GPC6: variants seen among roughly 807,000 people sequenced by gnomAD.
GPC6 encodes the protein glypican 6.
In GPC6, 14 loss-of-function variants were observed where a neutral mutation model predicts 55.2. The observed-to-expected ratio is 0.25, with a 90% CI of 0.17 to 0.40. The LOEUF is 0.40. GPC6 is among the 10% of genes least tolerant of loss of function. The probability of loss-of-function intolerance (pLI) is 1.00; values close to 1 mark genes in which losing one functional copy is unlikely to be tolerated. For synonymous variants in GPC6, 278 were observed against 259.6 expected (o/e 1.07, Z -0.68); for missense variants, 641 against 708.5 (o/e 0.90, Z 1.08).
chr13:93,473,233 G>T (rs1371013353), intron 1 of GPC6, among the ~76,000 whole-genome samples: 7 of 152,196 alleles, frequency 4.6e-5, no homozygotes, highest in East Asian at 1.9e-4. Context: ...GGCCCAGGCT[G>T]CTCTCACCAA....
intron 2 of GPC6, among the ~76,000 whole-genome samples, chr13:93,810,474 G>A (rs1273937769): frequency 2.0e-5 from 3 of 152,132 alleles, no homozygotes; most frequent in Non-Finnish European, 4.4e-5. Flanking sequence ...ACTATTGTTT[G>A]TTTTTTAGGA....
intron 2 of GPC6, among the ~76,000 whole-genome samples, chr13:93,697,222 C>T (rs1283460539): frequency 6.6e-6 from 1 of 152,118 alleles, no homozygotes; most frequent in Non-Finnish European, 1.5e-5. Context: ...TGGACTCAGG[C>T]TTCTTGCTGG....
intron 4 of GPC6, among the ~76,000 whole-genome samples, chr13:94,195,716 G>A (rs1889550955): frequency 6.6e-6 from 1 of 152,210 alleles, no homozygotes; most frequent in South Asian, 2.1e-4. Flanking sequence ...GTGTGCAAAT[G>A]TGGCTCCTGC....
chr13:93,633,618 A>G (rs911243870), intron 2 of GPC6, among the ~76,000 whole-genome samples: 8 of 151,092 alleles, frequency 5.3e-5, no homozygotes, highest in Non-Finnish European at 8.8e-5. Context: ...CCTGGGTGAC[A>G]GAGTGAGACT....
chr13:93,561,910 T>C (rs143886298), intron 2 of GPC6, among the ~76,000 whole-genome samples: 6 of 152,042 alleles, frequency 3.9e-5, no homozygotes, highest in African/African-American at 1.2e-4. Context: ...AAGGGTCAAA[T>C]TGCATGGGGA....
At chr13:94,225,687 AT>A in intron 4 of GPC6, among the ~76,000 whole-genome samples, 1 of 151,294 alleles carries the variant, frequency 6.6e-6, no homozygotes, top group East Asian at 1.9e-4. Context: ...ATATATATAT[AT>A]AAACTGTATA....
intron 1 of GPC6, among the ~76,000 whole-genome samples, chr13:93,337,254 A>T (rs1372774638): frequency 6.6e-6 from 1 of 152,170 alleles, no homozygotes; most frequent in Non-Finnish European, 1.5e-5. Flanking sequence ...ATTAGCCATG[A>T]GTGTATTATA....
intron 4 of GPC6, among the ~76,000 whole-genome samples, chr13:94,270,429 G>A (rs1358972677): frequency 6.6e-6 from 1 of 152,154 alleles, no homozygotes; most frequent in Admixed American, 6.5e-5. Flanking sequence ...GAATAATGAG[G>A]GGAGTATCTA....
intron 1 of GPC6, among the ~76,000 whole-genome samples, chr13:93,261,936 A>G (rs1877163760): frequency 7.3e-6 from 1 of 136,896 alleles, no homozygotes; most frequent in African/African-American, 2.5e-5. Flanking sequence ...ACACACACAC[A>G]CACACACACA....
At chr13:93,437,173 A>G (rs1384565208) in intron 1 of GPC6, among the ~76,000 whole-genome samples, 2 of 152,150 alleles carry the variant, frequency 1.3e-5, no homozygotes, top group Admixed American at 6.6e-5. Flanking sequence ...CCAACTGTCC[A>G]TTATGTCATC....
chr13:93,411,719 G>T (rs1876500112), intron 1 of GPC6, among the ~76,000 whole-genome samples: 1 of 152,012 alleles, frequency 6.6e-6, no homozygotes, highest in Non-Finnish European at 1.5e-5. Context: ...GCCATTATAG[G>T]CCCAGGTGCA....
At chr13:93,308,727 C>T (rs1482933193) in intron 1 of GPC6, among the ~76,000 whole-genome samples, 2 of 152,252 alleles carry the variant, frequency 1.3e-5, no homozygotes, top group Admixed American at 6.5e-5. Context: ...CAGGCGTAAG[C>T]CACTGCACTG....
chr13:93,400,293 A>G (rs1876019568), intron 1 of GPC6, among the ~76,000 whole-genome samples: 1 of 151,126 alleles, frequency 6.6e-6, no homozygotes, highest in Non-Finnish European at 1.5e-5. Context: ...CTACCATTCA[A>G]CACATTTTCT....
intron 4 of GPC6, among the ~76,000 whole-genome samples, chr13:94,249,690 C>T (rs1028908854): frequency 6.6e-6 from 1 of 152,140 alleles, no homozygotes; most frequent in Non-Finnish European, 1.5e-5. Flanking sequence ...GGAAACCAGG[C>T]TTTGACCACA....
chr13:93,593,789 C>T (rs538611004), intron 2 of GPC6, among the ~76,000 whole-genome samples: 1 of 151,954 alleles, frequency 6.6e-6, no homozygotes, highest in Non-Finnish European at 1.5e-5. Context: ...ATATAATGAT[C>T]ATCTTTTGGA....
intron 3 of GPC6, among the ~76,000 whole-genome samples, chr13:93,841,762 A>T (rs559773576): frequency 6.6e-6 from 1 of 152,320 alleles, no homozygotes; most frequent in East Asian, 1.9e-4. Flanking sequence ...CAGAAATGCC[A>T]CTGTCATATT....
chr13:93,913,375 C>A (rs1246639526), intron 3 of GPC6, among the ~76,000 whole-genome samples: 1 of 152,138 alleles, frequency 6.6e-6, no homozygotes, highest in Non-Finnish European at 1.5e-5. Flanking sequence ...CTAGCTTCAC[C>A]TGAGAAAGGA....
At chr13:94,261,906 G>C (rs1566606682) in intron 4 of GPC6, among the ~76,000 whole-genome samples, 1 of 152,320 alleles carries the variant, frequency 6.6e-6, no homozygotes, top group East Asian at 1.9e-4. Flanking sequence ...TTTTTCAGAA[G>C]CTTGCCTGTA....
At chr13:93,351,436 TA>T (rs1316731774) in intron 1 of GPC6, among the ~76,000 whole-genome samples, 4 of 151,836 alleles carry the variant, frequency 2.6e-5, no homozygotes, top group South Asian at 4.2e-4. Flanking sequence ...CTGGGAAGGG[TA>T]GGGGGAAGGC....
Sources: allele counts gnomAD v4.1 joint callset (sites outside exome capture counted in the v4.1 genomes callset), GRCh38; gene constraint gnomAD v4.1.1; transcripts MANE v1.5; gene names NCBI Gene and HGNC (gene_info 2026-07-23, HGNC 2026-07-21).